The following FBXL17 variants were observed in gnomAD, a reference collection of about 807,000 sequenced individuals.
The protein encoded by FBXL17 is F-box and leucine rich repeat protein 17.
Under a neutral mutation model 66.2 loss-of-function variants are expected in FBXL17, and 22 were observed. The ratio of observed to expected loss-of-function variants is 0.33; its 90% confidence interval spans 0.24 to 0.47. The LOEUF (loss-of-function observed/expected upper bound fraction) is 0.47. Among genes scored for constraint, FBXL17 ranks in the 20% least tolerant of loss-of-function variants. The pLI is 1.00. For synonymous variants in FBXL17, 474 were observed against 400.5 expected (o/e 1.18, Z -2.19); for missense variants, 878 against 948.2 (o/e 0.93, Z 0.97).
intron 7 of FBXL17, among the ~76,000 whole-genome samples, chr5:107,927,257 A>G (rs1004607616): frequency 1.3e-5 from 2 of 152,304 alleles, no homozygotes; most frequent in South Asian, 4.1e-4. Flanking sequence ...TAAGAACTGT[A>G]ACTACATTAT....
chr5:107,866,643 T>G (rs1035377684), intron 8 of FBXL17, among the ~76,000 whole-genome samples: 5 of 152,178 alleles, frequency 3.3e-5, no homozygotes, highest in Admixed American at 6.5e-5. Context: ...GCCTGACTTA[T>G]CTCCTCAATG....
intron 5 of FBXL17, among the ~76,000 whole-genome samples, chr5:108,213,767 T>C (rs886450330): frequency 1.6e-4 from 25 of 152,234 alleles, no homozygotes; most frequent in Non-Finnish European, 4.4e-5. Flanking sequence ...CAAGTGTTTT[T>C]AACATTAGCC....
intron 1 of FBXL17, among the ~76,000 whole-genome samples, chr5:108,376,804 T>C (rs1175091428): frequency 6.1e-5 from 9 of 146,380 alleles, no homozygotes; most frequent in African/African-American, 2.3e-4. Context: ...TTTTTTTTTT[T>C]TGAGACAGAG....
At chr5:107,931,762 T>C (rs1750744646) in intron 7 of FBXL17, among the ~76,000 whole-genome samples, 1 of 152,188 alleles carries the variant, frequency 6.6e-6, no homozygotes, top group Admixed American at 6.6e-5. Flanking sequence ...TCATTCCATA[T>C]GTTAGGTCAC....
chr5:107,901,149 C>T (rs574763281), intron 7 of FBXL17, among the ~76,000 whole-genome samples: 181 of 152,124 alleles, frequency 1.2e-3, no homozygotes, highest in African/African-American at 3.5e-3. Flanking sequence ...ATTTTCTTAA[C>T]CTGGATAAAG....
intron 7 of FBXL17, among the ~76,000 whole-genome samples, chr5:108,014,877 G>A (rs1754320819): frequency 6.6e-6 from 1 of 152,146 alleles, no homozygotes; most frequent in African/African-American, 2.4e-5. Context: ...TTACATGTCA[G>A]CAGGCAAGAG....
At chr5:108,302,279 T>C (rs1439103033) in intron 4 of FBXL17, among the ~76,000 whole-genome samples, 3 of 151,900 alleles carry the variant, frequency 2.0e-5, no homozygotes, top group Admixed American at 2.0e-4. Context: ...CAACATATTG[T>C]AACTGAAGAA....
chr5:108,171,207 T>C (rs996228137), intron 6 of FBXL17, among the ~76,000 whole-genome samples: 1 of 152,212 alleles, frequency 6.6e-6, no homozygotes, highest in Admixed American at 6.5e-5. Context: ...TTTATTTTAT[T>C]TAATACTTAC....
At chr5:108,016,548 C>T (rs1219890192) in intron 7 of FBXL17, among the ~76,000 whole-genome samples, 2 of 152,124 alleles carry the variant, frequency 1.3e-5, no homozygotes, top group Admixed American at 6.5e-5. Flanking sequence ...ACAACTGCCC[C>T]CTGACACAAG....
intron 6 of FBXL17, among the ~76,000 whole-genome samples, chr5:108,162,182 T>C (rs564211964): frequency 6.6e-6 from 1 of 152,300 alleles, no homozygotes; most frequent in African/African-American, 2.4e-5. Context: ...TTATTCCAAA[T>C]GCTGGATCAA....
chr5:108,102,409 C>T (rs286815), intron 6 of FBXL17, among the ~76,000 whole-genome samples: 3,171 of 152,254 alleles, frequency 0.021, 117 homozygotes, highest in African/African-American at 0.072. Flanking sequence ...TAGCCAAATT[C>T]ATGGTTCCAA....
chr5:108,130,403 T>C (rs1175537936), intron 6 of FBXL17, among the ~76,000 whole-genome samples: 1 of 151,976 alleles, frequency 6.6e-6, no homozygotes, highest in Admixed American at 6.6e-5. Flanking sequence ...GATATAGTAA[T>C]ATAATTTTAG....
intron 6 of FBXL17, among the ~76,000 whole-genome samples, chr5:108,097,900 GT>G (rs1320499973): frequency 1.3e-5 from 2 of 151,862 alleles, no homozygotes; most frequent in Non-Finnish European, 2.9e-5. Flanking sequence ...TGTCTAACAG[GT>G]TTCTTATTTA....
chr5:108,063,404 T>C (rs1291696793), intron 6 of FBXL17, among the ~76,000 whole-genome samples: 4 of 152,196 alleles, frequency 2.6e-5, no homozygotes, highest in Non-Finnish European at 1.5e-5. Flanking sequence ...TACAGGAAAG[T>C]CTTGGGTATT....
At chr5:107,946,258 TA>T (rs1561333358) in intron 7 of FBXL17, among the ~76,000 whole-genome samples, 2,704 of 21,904 alleles carry the variant, frequency 0.12, 207 homozygotes, top group Non-Finnish European at 0.16. Flanking sequence ...TCTCATTTTA[TA>T]TATATATATA....
At position 108,077,331 on chromosome 5, in the gene FBXL17, G is replaced by A. The variant is rs192747017; in HGVS notation, c.1746-56330C>T. On this transcript the variant is annotated intron_variant, in intron 6 of 8. Coordinates refer to ENST00000542267, the MANE Select transcript of FBXL17 (RefSeq NM_001163315.3). The stretch of plus-strand genomic sequence containing the variant: ...AGTTAATCCTACTATGATTTTCTCT[G>A]GTAGAAATGGGGGGCTGGAGGAAAA... Among the ~76,000 whole-genome samples the A allele has an allele frequency of 3.2e-3, 486 of 152,210 alleles. 3 individuals carry two copies. Among genetic ancestry groups the A allele is most frequent in the African/African-American group, 0.011 (461 of 41,522 alleles).
At position 107,920,080 on chromosome 5, in the gene FBXL17, G is replaced by A. The variant is rs150476819; in HGVS notation, c.1823-38901C>T. On this transcript the variant is annotated intron_variant, in intron 7 of 8. Coordinates refer to ENST00000542267, the MANE Select transcript of FBXL17 (RefSeq NM_001163315.3). The stretch of plus-strand genomic sequence containing the variant: ...TTAAGCAAAACAGCAAAGTTATTCA[G>A]TGTTGTCACTCCTCTTCAGCAATTA... Among the ~76,000 whole-genome samples the A allele has an allele frequency of 9.2e-5, 14 of 152,288 alleles. No individual in the cohort carries two copies. The East Asian group carries it at 2.7e-3, about 29-fold the overall frequency.
At chr5:108,047,492 G>C (rs1747299303) in intron 6 of FBXL17, among the ~76,000 whole-genome samples, 1 of 152,182 alleles carries the variant, frequency 6.6e-6, no homozygotes, top group African/African-American at 2.4e-5. Context: ...AGCTCCCTGG[G>C]GGAGGGCCAG....
chr5:107,899,784 T>C (rs180734880), intron 7 of FBXL17, among the ~76,000 whole-genome samples: 7 of 152,238 alleles, frequency 4.6e-5, no homozygotes, highest in African/African-American at 1.7e-4. Context: ...TACCATTGAG[T>C]AATATAATAT....
Sources: allele counts gnomAD v4.1 joint callset (sites outside exome capture counted in the v4.1 genomes callset), GRCh38; gene constraint gnomAD v4.1.1; transcripts MANE v1.5; gene names NCBI Gene and HGNC (gene_info 2026-07-23, HGNC 2026-07-21).